TENM3: variants seen among roughly 807,000 people sequenced by gnomAD.
TENM3 encodes the protein teneurin-3.
Under a neutral mutation model 255.1 loss-of-function variants are expected in TENM3, and 63 were observed. The observed-to-expected ratio is 0.25, with a 90% CI of 0.20 to 0.30. TENM3 has a LOEUF of 0.30. TENM3 is among the 10% of genes least tolerant of loss of function. The pLI is 1.00. For missense variants in TENM3, 2,929 were observed against 3,461.1 expected (o/e 0.85, Z 3.86); for synonymous variants, 1,306 against 1,322.3 (o/e 0.99, Z 0.27).
chr4:181,673,354 A>G, the TENM3 span, among the ~76,000 whole-genome samples: 510 of 152,290 alleles, frequency 3.3e-3, 4 homozygotes, highest in Middle Eastern at 0.031. Flanking sequence ...CATCTGTCTC[A>G]GAATATACGT....
chr4:182,569,210 C>T (rs1744095313), intron 3 of TENM3, among the ~76,000 whole-genome samples: 1 of 152,094 alleles, frequency 6.6e-6, no homozygotes, highest in African/African-American at 2.4e-5. Context: ...CTGAGATAAA[C>T]AAGAAGGAAA....
chr4:182,362,469 T>G (rs1766081663), intron 3 of TENM3, among the ~76,000 whole-genome samples: 1 of 152,012 alleles, frequency 6.6e-6, no homozygotes, highest in African/African-American at 2.4e-5. Context: ...TGCAGTTTGA[T>G]CTCAGACTGC....
intron 3 of TENM3, among the ~76,000 whole-genome samples, chr4:182,377,834 T>G (rs1158397128): frequency 6.6e-6 from 1 of 152,194 alleles, no homozygotes; most frequent in Non-Finnish European, 1.5e-5. Flanking sequence ...CTGTGGGTAC[T>G]CTCTTAGTAT....
At chr4:182,788,274 C>T (rs1356169381) in intron 24 of TENM3, among the ~76,000 whole-genome samples, 1 of 152,208 alleles carries the variant, frequency 6.6e-6, no homozygotes, top group Admixed American at 6.5e-5. Flanking sequence ...CCTGCAAACA[C>T]TGGAGACTAT....
intron 11 of TENM3, among the ~76,000 whole-genome samples, chr4:182,686,740 C>G (rs1003138496): frequency 2.0e-5 from 3 of 152,042 alleles, no homozygotes; most frequent in Non-Finnish European, 4.4e-5. Flanking sequence ...ATTGACGCAC[C>G]TTGCTCAAAG....
chr4:182,114,954 G>A, the TENM3 span, among the ~76,000 whole-genome samples: 2 of 152,100 alleles, frequency 1.3e-5, no homozygotes, highest in Non-Finnish European at 2.9e-5. Context: ...GACTGAGGCA[G>A]GCAGATCACT....
chr4:182,357,498 G>A (rs1765640278), intron 3 of TENM3, among the ~76,000 whole-genome samples: 1 of 151,238 alleles, frequency 6.6e-6, no homozygotes, highest in African/African-American at 2.4e-5. Flanking sequence ...TGTGTTTTTT[G>A]GCTGCATAAA....
chr4:182,738,533 A>C lies in TENM3; in HGVS notation c.3368A>C (p.Asp1123Ala), dbSNP rs1270674140. The change falls in exon 18 of 28, where the codon GAT (aspartate) becomes GCT (alanine). Residue 1123 changes from aspartate (D) to alanine (A), a missense_variant. Coordinates refer to ENST00000511685, the MANE Select transcript of TENM3 (RefSeq NM_001080477.4). ...ACATTAGATAAACATCACGTGCTGGATGTACAGAACGGTAAGCTCTTGTTC... is the reference window on the plus strand; with the variant it reads ...ACATTAGATAAACATCACGTGCTGGCTGTACAGAACGGTAAGCTCTTGTTC... ...GWTLDKHHVL[D>A]VQNGILYKGN... 1 of 1,612,152 alleles carries C rather than the reference A, an allele frequency of 6.2e-7. No homozygotes were observed.
chr4:181,449,563 C>T, the TENM3 span, among the ~76,000 whole-genome samples: 2 of 152,138 alleles, frequency 1.3e-5, no homozygotes, highest in Non-Finnish European at 2.9e-5. Context: ...GCAGGCAGGT[C>T]ACCTGAGGTC....
the TENM3 span, among the ~76,000 whole-genome samples, chr4:181,936,863 T>C: frequency 1.1e-4 from 16 of 152,110 alleles, no homozygotes; most frequent in Non-Finnish European, 1.6e-4. Context: ...CAAGGCCCCA[T>C]GCTAGGCTCT....
chr4:181,577,211 T>A, the TENM3 span, among the ~76,000 whole-genome samples: 55,333 of 112,356 alleles, frequency 0.49, 11,938 homozygotes, highest in Middle Eastern at 0.55. Context: ...ATATATATAT[T>A]TTTTTTTTAA....
chr4:182,223,651 A>AT (rs1396921222), intron 1 of TENM3, among the ~76,000 whole-genome samples: 1 of 152,180 alleles, frequency 6.6e-6, no homozygotes, highest in African/African-American at 2.4e-5. Context: ...GCTCAGAGAC[A>AT]TTAAGTGCCA....
At chr4:181,717,459 C>T in the TENM3 span, among the ~76,000 whole-genome samples, 1 of 152,150 alleles carries the variant, frequency 6.6e-6, no homozygotes, top group South Asian at 2.1e-4. Flanking sequence ...TGCTGATAGG[C>T]ACTGTAAGTA....
the TENM3 span, among the ~76,000 whole-genome samples, chr4:181,745,614 A>G: frequency 2.2e-3 from 337 of 152,280 alleles, no homozygotes; most frequent in Admixed American, 3.5e-3. Flanking sequence ...ATAAGTAAGC[A>G]CAAATGCAGA....
the TENM3 span, among the ~76,000 whole-genome samples, chr4:181,680,507 C>A: frequency 2.0e-5 from 3 of 152,044 alleles, no homozygotes; most frequent in African/African-American, 7.2e-5. Context: ...CCGAAGCAAC[C>A]AATTGTTGGA....
At chr4:182,777,541 G>GTGTT (rs1579462872) in intron 24 of TENM3, among the ~76,000 whole-genome samples, 1 of 106,394 alleles carries the variant, frequency 9.4e-6, no homozygotes, top group African/African-American at 4.1e-5. Flanking sequence ...GTGTGTGTGT[G>GTGTT]TATTTCTTTT....
intron 3 of TENM3, among the ~76,000 whole-genome samples, chr4:182,447,594 T>C (rs1333553287): frequency 1.3e-5 from 2 of 152,216 alleles, no homozygotes; most frequent in Non-Finnish European, 2.9e-5. Context: ...ATCTTACTGA[T>C]AAATGAAAAG....
the TENM3 span, among the ~76,000 whole-genome samples, chr4:181,707,111 T>C: frequency 1.3e-5 from 2 of 152,188 alleles, no homozygotes; most frequent in Non-Finnish European, 2.9e-5. Context: ...GGTGGGCTCT[T>C]AGAGCCCAGC....
At chr4:181,881,665 A>T in the TENM3 span, among the ~76,000 whole-genome samples, 2 of 152,176 alleles carry the variant, frequency 1.3e-5, no homozygotes, top group African/African-American at 4.8e-5. Context: ...TCACAAGTCA[A>T]TGAAATATGA....
Sources: gnomAD v4.1 joint callset for allele counts (sites outside exome capture counted in the v4.1 genomes callset) on GRCh38, gnomAD v4.1.1 for gene constraint, MANE v1.5 for transcripts, NCBI Gene and HGNC (gene_info 2026-07-23, HGNC 2026-07-21) for gene names.